Variants in VPS53 observed in about 807,000 individuals in gnomAD.
VPS53 encodes VPS53 subunit of GARP complex.
A neutral mutation model predicts 107.0 loss-of-function variants in VPS53; 70 were observed. The observed-to-expected ratio is 0.65, with a 90% CI of 0.54 to 0.80. The LOEUF (loss-of-function observed/expected upper bound fraction) is 0.80. Among genes scored for constraint, VPS53 ranks in the 30% least tolerant of loss-of-function variants. VPS53 has a pLI of 0.00. For missense variants in VPS53, 917 were observed against 1,049.4 expected (o/e 0.87, Z 1.74); for synonymous variants, 409 against 393.3 (o/e 1.04, Z -0.47).
intron 4 of VPS53, among the ~76,000 whole-genome samples, chr17:682,085 C>A (rs1972413240): frequency 6.6e-6 from 1 of 152,144 alleles, no homozygotes. Flanking sequence ...TATTTTAATA[C>A]CCATTTCTTA....
Position 714,699 on chromosome 17 carries a change from T to C in VPS53, c.11A>G (p.Glu4Gly). 6.2e-7 allele frequency: 1 copy of C among 1,613,428 alleles called. No individual in the cohort carries two copies. The highest frequency in any genetic ancestry group is 8.5e-7 in the Non-Finnish European group (1 of 1,179,752). The change falls in exon 1 of 22, where the codon GAG becomes GGG. Residue 4 changes from glutamate to glycine, a missense_variant. Glu to Gly is a moderately conservative substitution (Grantham distance 98, BLOSUM62 -2). Coordinates refer to ENST00000437048, the MANE Select transcript of VPS53 (RefSeq NM_001128159.3). ...CTCCTCCACGAACTCCAGTTCCTCC[T>C]CCTCCATCATTCCGCCACCCGGCCC... MMEEEELEFVEELE... is the reference protein window; with the variant it reads MMEGEELEFVEELE...
intron 19 of VPS53, among the ~76,000 whole-genome samples, chr17:531,503 CTCTT>C (rs1356518419): frequency 1.3e-5 from 2 of 151,892 alleles, no homozygotes; most frequent in East Asian, 1.9e-4. Context: ...CATTAAAAGA[CTCTT>C]TTTTTTTTTG....
At chr17:537,446 T>A in intron 17 of VPS53, 1 of 366,970 alleles carries the variant, frequency 2.7e-6, no homozygotes, top group Non-Finnish European at 5.0e-6. Context: ...CAGCCTTCCC[T>A]TCTCAGCTAA....
intron 6 of VPS53, 21 bp from the exon 7 acceptor site, chr17:653,431 T>A: frequency 6.2e-7 from 1 of 1,613,842 alleles, no homozygotes; most frequent in Non-Finnish European, 8.5e-7. Flanking sequence ...AGAATAAGTT[T>A]AAAAGTCTAG....
At chr17:521,800 A>G (rs1285379779) in intron 19 of VPS53, 62 bp from the exon 20 acceptor site, 1 of 1,383,230 alleles carries the variant, frequency 7.2e-7, no homozygotes. Context: ...GAGTGGACTC[A>G]TGCCGATGAG....
chr17:545,595 T>C (rs1054360628), intron 17 of VPS53, among the ~76,000 whole-genome samples: 3 of 152,226 alleles, frequency 2.0e-5, no homozygotes, highest in African/African-American at 7.2e-5. Flanking sequence ...TTACCAATCT[T>C]TGGTCAAAAG....
chr17:629,282 G>C (rs1969842166), intron 8 of VPS53, among the ~76,000 whole-genome samples: 1 of 152,094 alleles, frequency 6.6e-6, no homozygotes. Flanking sequence ...TCTCACTTCA[G>C]GATGAAAGTG....
chr17:635,025 G>A (rs563781254), intron 7 of VPS53, among the ~76,000 whole-genome samples: 2 of 152,158 alleles, frequency 1.3e-5, no homozygotes, highest in African/African-American at 4.8e-5. Context: ...GTGTAAAATT[G>A]TTCCTATTTC....
Position 553,416 on chromosome 17 carries a change from C to A in VPS53, c.1751G>T (p.Arg584Leu). ...GTCCATCTCTCCAGTCAGATTGATT[C>A]GTTCAATCAGACTTACATCCACTTT... is the stretch of plus-strand genomic sequence containing the variant. ...KEKVDVSLIE[R>L]INLTGEMDTF... The change falls in exon 16 of 22, where the codon CGA becomes CTA. Residue 584 changes from arginine to leucine, a missense_variant. Transcript: ENST00000437048. 1 of 1,614,082 alleles carries A rather than the reference C, an allele frequency of 6.2e-7. No individual in the cohort carries two copies. The highest frequency in any genetic ancestry group is 8.5e-7 in the Non-Finnish European group (1 of 1,180,024).
At chr17:608,211 T>C (rs968043786) in intron 11 of VPS53, among the ~76,000 whole-genome samples, 1 of 152,214 alleles carries the variant, frequency 6.6e-6, no homozygotes, top group African/African-American at 2.4e-5. Context: ...TACCGCCATG[T>C]CCACTTCTTC....
At chr17:626,629 G>A (rs1455023238) in intron 10 of VPS53, among the ~76,000 whole-genome samples, 1 of 152,014 alleles carries the variant, frequency 6.6e-6, no homozygotes, top group Non-Finnish European at 1.5e-5. Flanking sequence ...AGCTGGGATT[G>A]TATCACTGCA....
Position 517,661 on chromosome 17 carries a change from A to G in VPS53, c.*1467T>C. 2.7e-6 allele frequency: 1 copy of G among 370,848 alleles called. No individual in the cohort carries two copies. The highest frequency in any genetic ancestry group is 4.8e-6 in the Non-Finnish European group (1 of 209,246). The allele number at this position is 370,848 out of a possible 1,614,324, so 23.0% of individuals were successfully genotyped here. A position where few individuals can be genotyped will look rare whatever the true frequency, so the allele number is the denominator to read the frequency against. On this transcript the variant is annotated 3_prime_UTR_variant, in exon 22 of 22. Coordinates refer to ENST00000437048, the MANE Select transcript of VPS53 (RefSeq NM_001128159.3). ...CAGCCTCCCCAGTAGCTGGGATTAC[A>G]GGCACTCGCCATGACACCCGGCTAA...
intron 13 of VPS53, among the ~76,000 whole-genome samples, chr17:572,311 C>T (rs1206010020): frequency 2.7e-5 from 4 of 150,768 alleles, no homozygotes; most frequent in Admixed American, 6.6e-5. Context: ...GCCCGGCAAC[C>T]GCCCCGTCTG....
At chr17:546,307 A>T (rs140310515) in intron 17 of VPS53, among the ~76,000 whole-genome samples, 72 of 146,196 alleles carry the variant, frequency 4.9e-4, no homozygotes, top group Admixed American at 3.0e-3. Flanking sequence ...ATTCTGGATC[A>T]GGCAATGGTA....
intron 15 of VPS53, 112 bp from the exon 16 acceptor site, chr17:553,574 CTTTTT>C: frequency 3.4e-4 from 186 of 552,814 alleles, no homozygotes; most frequent in Middle Eastern, 4.8e-4. Flanking sequence ...ATTCCATACA[CTTTTT>C]TTTTTTTTTT....
At chr17:671,083 T>A (rs1369296841) in intron 4 of VPS53, among the ~76,000 whole-genome samples, 1 of 151,838 alleles carries the variant, frequency 6.6e-6, no homozygotes, top group Non-Finnish European at 1.5e-5. Flanking sequence ...ATACAAAAAC[T>A]AGCCAGCCAT....
Position 699,385 on chromosome 17 carries a change from A to G in VPS53, c.169-5T>C. The G allele has an allele frequency of 6.4e-7, 1 of 1,559,532 alleles. No homozygotes were observed. The highest frequency in any genetic ancestry group is 1.2e-5 in the South Asian group (1 of 81,490). On this transcript the variant is annotated splice_region_variant and splice_polypyrimidine_tract_variant and intron_variant, in intron 2 of 21. Transcript: ENST00000437048. Reference sequence around the variant, plus strand: ...TTCGTCTATGTTCGCCAGAGACTACAATAAAGAAGGAAGAGTGCCCAGCTG... The same window carrying G: ...TTCGTCTATGTTCGCCAGAGACTACGATAAAGAAGGAAGAGTGCCCAGCTG...
At position 514,959 on chromosome 17, in the gene VPS53, C is replaced by T. The variant is rs1908199170; in HGVS notation, c.*4169G>A. 1 of 152,322 alleles carries T rather than the reference C, an allele frequency of 6.6e-6. No homozygotes were observed. The highest frequency in any genetic ancestry group is 1.5e-5 in the Non-Finnish European group (1 of 68,046). 9.4% of individuals were successfully genotyped at this position (152,322 alleles called of 1,614,324 possible). A position where few individuals can be genotyped will look rare whatever the true frequency, so the allele number is the denominator to read the frequency against. ...GATCAGAACACCTTGTCCATTGCGGCTCCTGTTTCATTGTTAAGAGTCCAC... is the reference window on the plus strand; with the variant it reads ...GATCAGAACACCTTGTCCATTGCGGTTCCTGTTTCATTGTTAAGAGTCCAC... On this transcript the variant is annotated 3_prime_UTR_variant, in exon 22 of 22. Transcript: ENST00000437048.
chr17:580,857 G>A (rs1966978822), intron 13 of VPS53, among the ~76,000 whole-genome samples: 1 of 148,756 alleles, frequency 6.7e-6, no homozygotes, highest in African/African-American at 2.5e-5. Context: ...TGCATTCCAA[G>A]AGAACCTCCC....
Sources: gnomAD v4.1 joint callset for allele counts (sites outside exome capture counted in the v4.1 genomes callset) on GRCh38, gnomAD v4.1.1 for gene constraint, MANE v1.5 for transcripts, NCBI Gene and HGNC (gene_info 2026-07-23, HGNC 2026-07-21) for gene names.